Variants in EPHB1 observed in about 807,000 individuals in gnomAD.
The protein encoded by EPHB1 is EPH receptor B1, also known as ephrin type-B receptor 1.
Under a neutral mutation model 94.4 loss-of-function variants are expected in EPHB1, and 30 were observed. The ratio of observed to expected loss-of-function variants is 0.32; its 90% CI spans 0.24 to 0.43. The LOEUF is 0.43. EPHB1 is among the 20% of genes least tolerant of loss of function. The pLI is 1.00. For missense variants in EPHB1, 1,055 were observed against 1,308.3 expected (o/e 0.81, Z 2.99); for synonymous variants, 522 against 489.1 (o/e 1.07, Z -0.89).
intron 11 of EPHB1, among the ~76,000 whole-genome samples, chr3:135,197,966 A>G (rs982244211): frequency 2.0e-5 from 3 of 152,210 alleles, no homozygotes; most frequent in African/African-American, 7.2e-5. Context: ...AATTTCACCA[A>G]GGTTACGAAT....
chr3:134,803,261 G>C (rs975320218), intron 1 of EPHB1, among the ~76,000 whole-genome samples: 1 of 152,194 alleles, frequency 6.6e-6, no homozygotes, highest in Non-Finnish European at 1.5e-5. Flanking sequence ...ATGACTGTTT[G>C]AATTTAACCT....
intron 3 of EPHB1, among the ~76,000 whole-genome samples, chr3:134,998,794 T>C (rs1282105705): frequency 1.3e-5 from 2 of 152,220 alleles, no homozygotes; most frequent in South Asian, 4.1e-4. Context: ...CCTAACACAG[T>C]GTCTCATTCA....
chr3:135,101,146 C>T (rs1036676910), intron 3 of EPHB1, among the ~76,000 whole-genome samples: 5 of 152,140 alleles, frequency 3.3e-5, no homozygotes, highest in African/African-American at 1.2e-4. Context: ...GGTCTTAATG[C>T]GAATACACAG....
At chr3:135,177,224 G>A (rs1178333694) in intron 9 of EPHB1, among the ~76,000 whole-genome samples, 1 of 152,136 alleles carries the variant, frequency 6.6e-6, no homozygotes, top group African/African-American at 2.4e-5. Context: ...AAAAGGTTTG[G>A]GGGCCCTGAC....
At chr3:134,978,485 T>A (rs1241982083) in intron 3 of EPHB1, among the ~76,000 whole-genome samples, 4 of 152,120 alleles carry the variant, frequency 2.6e-5, no homozygotes, top group African/African-American at 7.2e-5. Context: ...ACTTTAAGTA[T>A]CTGGCCACTC....
At position 134,880,557 on chromosome 3, in the gene EPHB1, C is replaced by T. The variant is rs555995398; in HGVS notation, c.59-45259C>T. The stretch of plus-strand genomic sequence containing the variant: ...AGTCCCTTCATGGAGACTGCTGTAG[C>T]CCCCCGACACAGCCAAGAGATGACC... On this transcript the variant is annotated intron_variant, in intron 1 of 15. Transcript: ENST00000398015. 3.9e-5 allele frequency among the ~76,000 whole-genome samples: 6 copies of T among 152,312 alleles called. No individual in the cohort carries two copies. In the East Asian group the frequency reaches 7.7e-4, roughly 20 times the overall value.
At chr3:134,920,844 G>A (rs1267222716) in intron 1 of EPHB1, among the ~76,000 whole-genome samples, 4 of 152,132 alleles carry the variant, frequency 2.6e-5, no homozygotes, top group East Asian at 1.9e-4. Flanking sequence ...CCACTGGTTG[G>A]TGGGAATGCC....
intron 1 of EPHB1, among the ~76,000 whole-genome samples, chr3:134,811,255 T>TG (rs2036172897): frequency 4.5e-5 from 6 of 132,430 alleles, no homozygotes; most frequent in African/African-American, 8.0e-5. Context: ...TTTTTTTTTT[T>TG]TTTTTTTTCT....
intron 1 of EPHB1, among the ~76,000 whole-genome samples, chr3:134,912,065 C>T (rs952146515): frequency 2.6e-5 from 4 of 152,194 alleles, no homozygotes; most frequent in Admixed American, 2.6e-4. Flanking sequence ...CGAGCCTGGG[C>T]CACCATCCAT....
At chr3:135,052,003 T>C (rs1243424843) in intron 3 of EPHB1, among the ~76,000 whole-genome samples, 2 of 152,210 alleles carry the variant, frequency 1.3e-5, no homozygotes, top group Non-Finnish European at 2.9e-5. Flanking sequence ...CTTCTGTAGG[T>C]CAATTATTGG....
chr3:134,888,936 G>A (rs2037912929), intron 1 of EPHB1, among the ~76,000 whole-genome samples: 1 of 152,098 alleles, frequency 6.6e-6, no homozygotes. Context: ...AAAGTTCTGA[G>A]CCTGGAGGAG....
chr3:135,104,068 C>T (rs895794395), intron 3 of EPHB1, among the ~76,000 whole-genome samples: 2 of 152,200 alleles, frequency 1.3e-5, no homozygotes, highest in Non-Finnish European at 2.9e-5. Flanking sequence ...TACAGCATGG[C>T]AGGGGCCAAA....
chr3:135,129,324 G>T (rs73862014), intron 4 of EPHB1, among the ~76,000 whole-genome samples: 1 of 151,940 alleles, frequency 6.6e-6, no homozygotes. Flanking sequence ...GCCACTAGAT[G>T]AGAGACTGGG....
chr3:135,246,345 A>G (rs560935893), intron 13 of EPHB1, among the ~76,000 whole-genome samples: 1 of 152,198 alleles, frequency 6.6e-6, no homozygotes, highest in African/African-American at 2.4e-5. Flanking sequence ...AAGGAACTGG[A>G]AAAGGGTGCG....
At chr3:134,807,229 G>T (rs1243862775) in intron 1 of EPHB1, among the ~76,000 whole-genome samples, 1 of 152,174 alleles carries the variant, frequency 6.6e-6, no homozygotes, top group African/African-American at 2.4e-5. Context: ...AGTGTCACAA[G>T]TACTCACACA....
chr3:135,114,766 T>TAAAA (rs568203621), intron 4 of EPHB1, among the ~76,000 whole-genome samples: 106 of 150,388 alleles, frequency 7.0e-4, no homozygotes, highest in African/African-American at 2.2e-3. Context: ...AATAAATAAA[T>TAAAA]AAAACAATAT....
intron 3 of EPHB1, among the ~76,000 whole-genome samples, chr3:135,099,302 TGGATGGATGGATGGATGGAC>T (rs1938938856): frequency 8.5e-6 from 1 of 117,916 alleles, no homozygotes; most frequent in African/African-American, 3.1e-5. Context: ...GTACATTGGA[TGGATGGATGGATGGATGGAC>T]GGATGGATGG....
chr3:134,884,287 A>T (rs1560281367), intron 1 of EPHB1, among the ~76,000 whole-genome samples: 1 of 152,220 alleles, frequency 6.6e-6, no homozygotes, highest in Non-Finnish European at 1.5e-5. Flanking sequence ...CGGGAATTTG[A>T]ATGCTTCTTG....
intron 15 of EPHB1, among the ~76,000 whole-genome samples, chr3:135,255,390 G>A (rs1049451238): frequency 3.5e-5 from 5 of 143,484 alleles, no homozygotes; most frequent in African/African-American, 1.3e-4. Flanking sequence ...TGCTTTGAAT[G>A]CATCCCAGAG....
Sources: allele counts gnomAD v4.1 joint callset (sites outside exome capture counted in the v4.1 genomes callset), GRCh38; gene constraint gnomAD v4.1.1; transcripts MANE v1.5; gene names NCBI Gene and HGNC (gene_info 2026-07-23, HGNC 2026-07-21).